The following AMBP variants were observed in gnomAD, a reference collection of about 807,000 sequenced individuals.
AMBP encodes the protein protein AMBP.
AMBP carries 37 observed loss-of-function variants against 46.3 expected under a neutral mutation model. That is an observed-to-expected ratio of 0.80 (90% CI 0.61 to 1.05). The LOEUF (loss-of-function observed/expected upper bound fraction) is 1.05. AMBP is among the 50% of genes least tolerant of loss of function. AMBP has a pLI of 0.00. For synonymous variants in AMBP, 174 were observed against 175.9 expected, an observed-to-expected ratio of 0.99 and a Z score of 0.09; for missense variants, 475 against 461.2, an observed-to-expected ratio of 1.03 and a Z score of -0.27.
chr9:114,074,027 A>G lies in AMBP; in HGVS notation c.454+9T>C. 2 of 1,609,864 alleles carry G rather than the reference A, an allele frequency of 1.2e-6. No individual in the cohort carries two copies. Among genetic ancestry groups the G allele is most frequent in the Non-Finnish European group, 8.5e-7 (1 of 1,176,076 alleles). ...ACTCCAATGGGCACATCTAGTAATG[A>G]GCCTTTACCGTAGAGCTTGGCAGTA... is the stretch of plus-strand genomic sequence containing the variant. On this transcript the variant is annotated intron_variant, in intron 4 of 9. Transcript: ENST00000265132.
At position 114,069,706 on chromosome 9, in the gene AMBP, A is replaced by T. The variant is rs761643972; in HGVS notation, c.596T>A (p.Leu199Ter). 6.2e-7 allele frequency: 1 copy of T among 1,613,658 alleles called. No homozygotes were observed. The highest frequency in any genetic ancestry group is 1.1e-5 in the South Asian group (1 of 90,882). ...VPGEQEPEPILIPRVRRAVLP... is the reference protein window; with the variant it reads ...VPGEQEPEPI ...GGGGGATGAGGCACTCACCGGGATT[A>T]AGATGGGCTCTGGTTCCTGCTCCCC... The change falls in exon 6 of 10, where the codon TTA becomes TAA. Residue 199 changes from leucine to a stop codon, truncating the protein, a stop_gained. Transcript: ENST00000265132. LOFTEE classifies it high-confidence loss of function.
intron 9 of AMBP, 155 bp downstream of exon 9, chr9:114,060,770 G>GC: frequency 1.1e-6 from 1 of 902,498 alleles, no homozygotes; most frequent in Non-Finnish European, 1.7e-6. Context: ...CTGGGGTAAG[G>GC]CCCCAGGCTC....
intron 9 of AMBP, 65 bp from the exon 10 acceptor site, chr9:114,060,335 C>A: frequency 6.4e-7 from 1 of 1,562,708 alleles, no homozygotes; most frequent in South Asian, 1.1e-5. Context: ...GGGAAAGCAG[C>A]TGTCGCCTGG....
intron 3 of AMBP, 27 bp downstream of exon 3, chr9:114,074,933 G>T: frequency 6.3e-7 from 1 of 1,591,892 alleles, no homozygotes; most frequent in South Asian, 1.1e-5. Flanking sequence ...AGGAGAGAAT[G>T]CATGTGTCTC....
chr9:114,074,227 T>C, intron 3 of AMBP, 75 bp from the exon 4 acceptor site: 2 of 1,115,464 alleles, frequency 1.8e-6, no homozygotes, highest in Non-Finnish European at 2.7e-6. Context: ...CGTCACCTGT[T>C]TACTCACACA....
At chr9:114,061,723 T>C in intron 7 of AMBP, 132 bp from the exon 8 acceptor site, 1 of 1,113,882 alleles carries the variant, frequency 9.0e-7, no homozygotes, top group Non-Finnish European at 1.2e-6. Context: ...ATAAGCAAAC[T>C]GACTCTCAGA....
At chr9:114,063,440 CTG>C (rs1436432966) in intron 6 of AMBP, among the ~76,000 whole-genome samples, 4 of 152,344 alleles carry the variant, frequency 2.6e-5, no homozygotes, top group African/African-American at 7.2e-5. Context: ...CAACAAAACA[CTG>C]TGAAAACTGT....
chr9:114,075,465 G>T (rs12344124), intron 2 of AMBP, among the ~76,000 whole-genome samples: 15,985 of 152,274 alleles, frequency 0.1, 973 homozygotes, highest in African/African-American at 0.14. Flanking sequence ...CATGGTTAGT[G>T]TGAGGGTCAA....
At chr9:114,060,403 T>A in intron 9 of AMBP, 133 bp from the exon 10 acceptor site, 1 of 1,003,730 alleles carries the variant, frequency 1.0e-6, no homozygotes, top group Non-Finnish European at 1.4e-6. Flanking sequence ...CATGAAATGA[T>A]CAGATTTTTT....
At chr9:114,077,945 A>T in intron 1 of AMBP, 148 bp downstream of exon 1, 1 of 779,868 alleles carries the variant, frequency 1.3e-6, no homozygotes, top group Non-Finnish European at 2.2e-6. Flanking sequence ...GGCAGGGGAT[A>T]GAGCTGTACC....
Position 114,078,217 on chromosome 9 carries a change from G to A in AMBP, c.-8C>T. 2 of 1,611,110 alleles carry A rather than the reference G, an allele frequency of 1.2e-6. No homozygotes were observed. Among genetic ancestry groups the A allele is most frequent in the Non-Finnish European group, 1.7e-6 (2 of 1,179,674 alleles). On this transcript the variant is annotated 5_prime_UTR_variant, in exon 1 of 10. Transcript: ENST00000265132. Reference sequence around the variant, plus strand: ...GGCCCCGAGGCTCCTCATGGCTATGGGCTCCTCTGCCTTGGTATATCCCAC... The same window carrying A: ...GGCCCCGAGGCTCCTCATGGCTATGAGCTCCTCTGCCTTGGTATATCCCAC...
Position 114,073,020 on chromosome 9 carries a change from G to C in AMBP, c.461C>G (p.Ala154Gly), listed in dbSNP as rs910720131. The change falls in exon 5 of 10, where the codon GCG becomes GGG. Residue 154 changes from alanine (A) to glycine (G), a missense_variant. Ala to Gly is a moderately conservative substitution (Grantham distance 60). This residue lies in a region of AMBP where 293 missense variants were observed against 276.9 expected (regional missense o/e 1.06). Transcript: ENST00000265132. ...PTITAKLYGR[A>G]PQLRETLLQD... The stretch of plus-strand genomic sequence containing the variant: ...CAGGAGAGTTTCCCTCAGCTGCGGC[G>C]CCCGCCCTGCAAGGAGGAAGCAGAG... 31 of 1,612,690 alleles carry C rather than the reference G, an allele frequency of 1.9e-5. No individual in the cohort carries two copies. The East Asian group carries it at 6.0e-4, about 31-fold the overall frequency.
At chr9:114,076,424 T>C (rs574511976) in intron 2 of AMBP, among the ~76,000 whole-genome samples, 174 bp downstream of exon 2, 3 of 152,048 alleles carry the variant, frequency 2.0e-5, no homozygotes, top group East Asian at 3.9e-4. Flanking sequence ...CCTCGAGGAA[T>C]AGATAGGACA....
intron 5 of AMBP, among the ~76,000 whole-genome samples, chr9:114,071,138 A>C (rs1846740205): frequency 6.6e-6 from 1 of 152,146 alleles, no homozygotes; most frequent in Non-Finnish European, 1.5e-5. Flanking sequence ...AATTGGTGGG[A>C]TAGGAGCTCC....
At chr9:114,074,499 A>G (rs1846783473) in intron 3 of AMBP, among the ~76,000 whole-genome samples, 2 of 152,160 alleles carry the variant, frequency 1.3e-5, no homozygotes, top group African/African-American at 4.8e-5. Flanking sequence ...GTCACCAATC[A>G]TTTGTTCATT....
chr9:114,062,860 G>A, intron 6 of AMBP, 102 bp from the exon 7 acceptor site: 1 of 1,177,096 alleles, frequency 8.5e-7, no homozygotes, highest in South Asian at 1.3e-5. Flanking sequence ...TTGGGAATCA[G>A]GGTAGGTAGG....
In AMBP at chr9:114,062,725, C is replaced by A. The variant is rs748579048; in HGVS notation, c.637G>T (p.Glu213Ter). The A allele has an allele frequency of 6.2e-7, 1 of 1,613,950 alleles. No homozygotes were observed. The highest frequency in any genetic ancestry group is 1.7e-5 in the Admixed American group (1 of 59,988). The change falls in exon 7 of 10, where the codon GAA becomes TAA. Residue 213 changes from glutamate (E) to a stop codon, truncating the protein, a stop_gained. Coordinates refer to ENST00000265132, the MANE Select transcript of AMBP (RefSeq NM_001633.4). LOFTEE classifies it high-confidence loss of function. ...VRRAVLPQEE[E>*]GSGGGQLVTE... ...ACCAGTTGCCCACCCCCTGATCCTT[C>A]CTCTTCTTGGGGTAGCACAGCCCTC...
In AMBP at chr9:114,074,124, C is replaced by T. The variant is rs1846776859; in HGVS notation, c.366G>A (p.Val122=). The T allele has an allele frequency of 6.2e-7, 1 of 1,613,958 alleles. No individual in the cohort carries two copies. Among genetic ancestry groups the T allele is most frequent in the Non-Finnish European group, 8.5e-7 (1 of 1,180,028 alleles). ...CATACTCATCATAGTTGGTGTGGAC[C>T]ACATAGGACTCCATGGTTATGTTCC... ...SKWNITMESY[V]VHTNYDEYAI... is the part of the protein sequence containing the mutation. Residue 122 remains valine, a synonymous_variant, in exon 4 of 10, where the codon GTG becomes GTA. Transcript: ENST00000265132.
chr9:114,061,021 TC>T lies in AMBP; in HGVS notation c.930del (p.Lys311SerfsTer72). 6.2e-7 allele frequency: 1 copy of T among 1,614,174 alleles called. No individual in the cohort carries two copies. The highest frequency in any genetic ancestry group is 1.1e-5 in the South Asian group (1 of 91,080). On this transcript the variant is annotated frameshift_variant, in exon 9 of 10. Transcript: ENST00000265132. LOFTEE classifies it high-confidence loss of function. The part of the protein sequence containing the change: ...IQLWAFDAVK[G>X]KCVLFPYGGC... The stretch of plus-strand genomic sequence containing the variant: ...CCCCCGTAGGGGAAGAGGACGCACT[TC>T]CCCTTGACAGCATCAAATGCCCAGA...
Sources: allele counts gnomAD v4.1 joint callset (sites outside exome capture counted in the v4.1 genomes callset), GRCh38; gene constraint gnomAD v4.1.1; regional missense constraint gnomAD v4.1.1; transcripts MANE v1.5; gene names NCBI Gene and HGNC (gene_info 2026-07-23, HGNC 2026-07-21).